COX7B2: variants seen among roughly 807,000 people sequenced by gnomAD.
COX7B2 encodes the protein cytochrome c oxidase subunit 7B2, also known as cytochrome c oxidase subunit 7B2, mitochondrial.
For synonymous variants in COX7B2, 37 were observed against 32.1 expected (o/e 1.15, Z -0.51); for missense variants, 109 against 95.9 (o/e 1.14, Z -0.57).
intron 2 of COX7B2, among the ~76,000 whole-genome samples, chr4:46,803,371 G>T (rs542201963): frequency 6.6e-5 from 10 of 152,016 alleles, no homozygotes; most frequent in Non-Finnish European, 1.2e-4. Context: ...AAAAATTTGG[G>T]ATATAATTAT....
At chr4:46,868,277 T>C (rs938111980) in intron 1 of COX7B2, among the ~76,000 whole-genome samples, 4 of 152,142 alleles carry the variant, frequency 2.6e-5, no homozygotes, top group African/African-American at 9.7e-5. Context: ...TTTTCTTCAT[T>C]ATTCTAGCTA....
chr4:46,758,723 G>A (rs1443304327), intron 2 of COX7B2, among the ~76,000 whole-genome samples: 1 of 152,124 alleles, frequency 6.6e-6, no homozygotes, highest in Non-Finnish European at 1.5e-5. Flanking sequence ...AAGCATAGGA[G>A]CGTAGCCAGC....
At chr4:46,766,074 TG>T (rs1716517261) in intron 2 of COX7B2, among the ~76,000 whole-genome samples, 6 of 152,180 alleles carry the variant, frequency 3.9e-5, no homozygotes, top group African/African-American at 1.4e-4. Context: ...AGCCAGACCC[TG>T]TTTCCAACAC....
intron 1 of COX7B2, among the ~76,000 whole-genome samples, chr4:46,900,927 A>G (rs1720039201): frequency 6.6e-6 from 1 of 152,212 alleles, no homozygotes; most frequent in African/African-American, 2.4e-5. Flanking sequence ...CAAAAAGACA[A>G]AGACAAATAT....
intron 2 of COX7B2, among the ~76,000 whole-genome samples, chr4:46,810,874 G>C (rs535058379): frequency 1.3e-5 from 2 of 152,114 alleles, no homozygotes; most frequent in Non-Finnish European, 2.9e-5. Flanking sequence ...TGTCAAAGAA[G>C]TATTTCTCCT....
intron 1 of COX7B2, among the ~76,000 whole-genome samples, chr4:46,904,622 AT>A (rs1449394451): frequency 6.6e-6 from 1 of 152,206 alleles, no homozygotes; most frequent in African/African-American, 2.4e-5. Flanking sequence ...ACAGGGAGAA[AT>A]TTGGTAATAC....
chr4:46,815,579 T>C (rs951657954), intron 2 of COX7B2, among the ~76,000 whole-genome samples: 7 of 152,158 alleles, frequency 4.6e-5, no homozygotes, highest in African/African-American at 1.4e-4. Flanking sequence ...TTTCAACAAA[T>C]TAAAAATAAT....
chr4:46,804,943 G>A (rs2109640638), intron 2 of COX7B2, among the ~76,000 whole-genome samples: 1 of 152,206 alleles, frequency 6.6e-6, no homozygotes, highest in East Asian at 1.9e-4. Flanking sequence ...GGGGGGCGGT[G>A]CTCAGGCATG....
intron 2 of COX7B2, among the ~76,000 whole-genome samples, chr4:46,818,375 T>C (rs531252685): frequency 4.6e-5 from 7 of 152,136 alleles, no homozygotes; most frequent in Non-Finnish European, 1.5e-5. Context: ...GGCTCACGCC[T>C]GTAAACCCAG....
chr4:46,777,299 T>C (rs1021705873), intron 2 of COX7B2, among the ~76,000 whole-genome samples: 3 of 152,090 alleles, frequency 2.0e-5, no homozygotes, highest in Non-Finnish European at 2.9e-5. Flanking sequence ...ACAGTTAATA[T>C]GGATAACTCA....
intron 2 of COX7B2, among the ~76,000 whole-genome samples, chr4:46,811,778 G>A (rs1719297668): frequency 6.6e-6 from 1 of 152,122 alleles, no homozygotes; most frequent in Non-Finnish European, 1.5e-5. Context: ...ACTTTACAGA[G>A]CAGCTTTCAT....
intron 2 of COX7B2, among the ~76,000 whole-genome samples, chr4:46,783,027 C>A (rs144896242): frequency 2.1e-3 from 313 of 152,338 alleles, no homozygotes; most frequent in Non-Finnish European, 3.0e-3. Flanking sequence ...TAAAATAATT[C>A]TAAGTGATAA....
At chr4:46,877,880 A>G (rs1174267584) in intron 1 of COX7B2, among the ~76,000 whole-genome samples, 1 of 152,154 alleles carries the variant, frequency 6.6e-6, no homozygotes, top group South Asian at 2.1e-4. Flanking sequence ...TCTGCTGGGT[A>G]TATACCTAAA....
At chr4:46,811,940 A>T (rs1330102046) in intron 2 of COX7B2, among the ~76,000 whole-genome samples, 1 of 152,188 alleles carries the variant, frequency 6.6e-6, no homozygotes. Flanking sequence ...AATTTGTTTC[A>T]GTAATGGTGG....
intron 2 of COX7B2, among the ~76,000 whole-genome samples, chr4:46,828,933 A>T (rs1714876155): frequency 6.6e-6 from 1 of 152,130 alleles, no homozygotes. Context: ...CATATAAAAT[A>T]AAAAAATGTA....
chr4:46,886,685 A>G (rs1719103107), intron 1 of COX7B2, among the ~76,000 whole-genome samples: 1 of 152,256 alleles, frequency 6.6e-6, no homozygotes, highest in African/African-American at 2.4e-5. Context: ...TGATTAAAAA[A>G]TAAAAATGTC....
intron 2 of COX7B2, among the ~76,000 whole-genome samples, chr4:46,802,886 A>G (rs1718733260): frequency 6.6e-6 from 1 of 152,136 alleles, no homozygotes; most frequent in South Asian, 2.1e-4. Context: ...CTGTGAAGAG[A>G]TTGTACTAAA....
chr4:46,782,584 C>T (rs1717533018), intron 2 of COX7B2, among the ~76,000 whole-genome samples: 2 of 152,160 alleles, frequency 1.3e-5, no homozygotes, highest in Non-Finnish European at 2.9e-5. Context: ...CTTGGGTCTC[C>T]TTCCAGGCTG....
intron 2 of COX7B2, among the ~76,000 whole-genome samples, chr4:46,788,854 G>A (rs987121105): frequency 6.6e-6 from 1 of 152,250 alleles, no homozygotes; most frequent in African/African-American, 2.4e-5. Context: ...ATTGATCTAA[G>A]TCAGTGAATG....
Sources: allele counts gnomAD v4.1 joint callset (sites outside exome capture counted in the v4.1 genomes callset), GRCh38; gene constraint gnomAD v4.1.1; transcripts MANE v1.5; gene names NCBI Gene and HGNC (gene_info 2026-07-23, HGNC 2026-07-21).